Variants in PCMT1 observed in about 807,000 individuals in gnomAD.
The protein encoded by PCMT1 is protein-L-isoaspartate (D-aspartate) O-methyltransferase, also known as protein-L-isoaspartate(D-aspartate) O-methyltransferase.
A neutral mutation model predicts 29.2 loss-of-function variants in PCMT1; 9 were observed. That is an observed-to-expected ratio of 0.31 (90% confidence interval 0.19 to 0.54). The LOEUF (loss-of-function observed/expected upper bound fraction) is 0.54, where lower values mean the gene tolerates loss of function less well. Ranked by LOEUF, PCMT1 falls within the 20% of genes least tolerant of loss-of-function variation. The probability of loss-of-function intolerance (pLI) is 0.95; values close to 1 mark genes in which losing one functional copy is unlikely to be tolerated. For missense variants in PCMT1, 184 were observed against 282.2 expected, an observed-to-expected ratio of 0.65 and a Z score of 2.49; for synonymous variants, 98 against 97.5, an observed-to-expected ratio of 1.00 and a Z score of -0.03.
intron 1 of PCMT1, among the ~76,000 whole-genome samples, chr6:149,758,518 TTC>T (rs1236635438): frequency 2.0e-5 from 3 of 151,974 alleles, no homozygotes; most frequent in Non-Finnish European, 2.9e-5. Context: ...CCCAATTTTT[TTC>T]TTTTTTTTAA....
intron 3 of PCMT1, among the ~76,000 whole-genome samples, chr6:149,775,034 A>G (rs990249496): frequency 1.3e-5 from 2 of 151,936 alleles, no homozygotes; most frequent in African/African-American, 4.8e-5. Flanking sequence ...TAATAGAGAC[A>G]GGGTTTCACC....
intron 1 of PCMT1, among the ~76,000 whole-genome samples, chr6:149,769,728 A>G (rs1232877205): frequency 6.8e-6 from 1 of 148,000 alleles, no homozygotes; most frequent in Non-Finnish European, 1.5e-5. Flanking sequence ...CCTCCTGAGT[A>G]TTTATGACTA....
At chr6:149,809,859 A>C (rs1000271246) in intron 7 of PCMT1, among the ~76,000 whole-genome samples, 1 of 151,928 alleles carries the variant, frequency 6.6e-6, no homozygotes, top group Non-Finnish European at 1.5e-5. Context: ...TATCAATATC[A>C]TGCTTCTTTA....
At chr6:149,790,210 T>C (rs947337019) in intron 4 of PCMT1, 152 bp downstream of exon 4, 8 of 594,992 alleles carry the variant, frequency 1.3e-5, no homozygotes, top group Middle Eastern at 2.6e-4. Context: ...TTTGTTGTTG[T>C]TGCAAGTGAC....
At chr6:149,774,496 C>A in intron 3 of PCMT1, among the ~76,000 whole-genome samples, 1 of 148,276 alleles carries the variant, frequency 6.7e-6, no homozygotes. Context: ...GCCTCAGCCT[C>A]CCAAAGTGCT....
At chr6:149,800,434 A>G (rs796761301) in intron 6 of PCMT1, among the ~76,000 whole-genome samples, 30 of 152,278 alleles carry the variant, frequency 2.0e-4, no homozygotes, top group African/African-American at 6.7e-4. Context: ...GTGCCACTGC[A>G]CTCCAGCCTG....
chr6:149,782,019 G>A (rs1787836856), intron 3 of PCMT1, among the ~76,000 whole-genome samples: 1 of 151,898 alleles, frequency 6.6e-6, no homozygotes, highest in Non-Finnish European at 1.5e-5. Context: ...TTTTGTGACT[G>A]GCTTATTTCA....
chr6:149,780,423 C>T (rs181584918), intron 3 of PCMT1, among the ~76,000 whole-genome samples: 212 of 151,882 alleles, frequency 1.4e-3, no homozygotes, highest in African/African-American at 4.9e-3. Flanking sequence ...TTAGTTTATT[C>T]AGAGTTACAC....
At chr6:149,770,105 C>G (rs1487970721) in intron 1 of PCMT1, among the ~76,000 whole-genome samples, 1 of 152,072 alleles carries the variant, frequency 6.6e-6, no homozygotes, top group Non-Finnish European at 1.5e-5. Context: ...ATTCTCTGGC[C>G]ACTTTGAATT....
At position 149,771,350 on chromosome 6, in the gene PCMT1, T is replaced by C. The variant is rs1722487901; in HGVS notation, c.160+84T>C. The C allele has an allele frequency of 2.3e-4, 175 of 759,722 alleles. 3 individuals are homozygous for C. The South Asian group carries it at 3.0e-3, about 13-fold the overall frequency. 47.1% of individuals were successfully genotyped at this position (759,722 alleles called of 1,614,324 possible). ...AAGTAGAAAAAGCCTGGGACACAGA[T>C]ATTTATCTATTATTACCTTCTTAAT... is the stretch of plus-strand genomic sequence containing the variant. On this transcript the variant is annotated intron_variant, in intron 2 of 7. Coordinates refer to ENST00000464889, the MANE Select transcript of PCMT1 (RefSeq NM_001360452.2).
rs1440820718 is a variant in PCMT1, at chr6:149,756,525, T to A, written c.55+6569T>A. On this transcript the variant is annotated intron_variant, in intron 1 of 7. Transcript: ENST00000464889. The stretch of plus-strand genomic sequence containing the variant: ...CACCATGACTGGCTTTTTTTTTTTT[T>A]TTTTTTTTTTTTTTTTTTTGGTAGA... Among the ~76,000 whole-genome samples the A allele has an allele frequency of 3.9e-4, 54 of 139,478 alleles. 1 individual carries two copies. The East Asian group carries it at 6.4e-3, about 17-fold the overall frequency. The allele number at this position is 139,478 out of a possible 152,430, so 91.5% of individuals were successfully genotyped here.
chr6:149,758,194 TTCTTTC>T (rs1786588914), intron 1 of PCMT1, among the ~76,000 whole-genome samples: 3 of 91,668 alleles, frequency 3.3e-5, no homozygotes, highest in Non-Finnish European at 2.1e-5. Context: ...AATTTTTTTT[TTCTTTC>T]TTTCTTTCTT....
intron 1 of PCMT1, among the ~76,000 whole-genome samples, chr6:149,762,155 G>A (rs1186930143): frequency 6.6e-6 from 1 of 151,524 alleles, no homozygotes; most frequent in East Asian, 1.9e-4. Context: ...GCTTCAAGTT[G>A]GGAAAAGAAA....
At chr6:149,756,723 T>C (rs1786526462) in intron 1 of PCMT1, among the ~76,000 whole-genome samples, 1 of 151,754 alleles carries the variant, frequency 6.6e-6, no homozygotes, top group East Asian at 1.9e-4. Flanking sequence ...TAGAACCAGC[T>C]GGTAAAATCC....
intron 1 of PCMT1, among the ~76,000 whole-genome samples, chr6:149,751,305 G>C (rs1449106592): frequency 6.6e-6 from 1 of 151,892 alleles, no homozygotes; most frequent in East Asian, 1.9e-4. Context: ...CAACAAGGGA[G>C]GAAACTCCGC....
chr6:149,773,896 A>G (rs1787440948), intron 3 of PCMT1, among the ~76,000 whole-genome samples: 1 of 152,234 alleles, frequency 6.6e-6, no homozygotes, highest in Non-Finnish European at 1.5e-5. Context: ...GGTTAAGTAT[A>G]AGAGCCATTA....
intron 7 of PCMT1, among the ~76,000 whole-genome samples, chr6:149,809,764 T>A (rs1201853927): frequency 6.6e-6 from 1 of 152,168 alleles, no homozygotes; most frequent in Non-Finnish European, 1.5e-5. Flanking sequence ...TCAATTATTA[T>A]CATTTTTCTA....
chr6:149,781,190 G>GTTTT (rs1267846983), intron 3 of PCMT1, among the ~76,000 whole-genome samples: 5 of 51,004 alleles, frequency 9.8e-5, no homozygotes, highest in Non-Finnish European at 1.4e-4. Context: ...CCCCTTTCTT[G>GTTTT]TTTTTTTTTT....
Position 149,810,659 on chromosome 6 carries a change from AC to A in PCMT1, c.*82del. On this transcript the variant is annotated 3_prime_UTR_variant, in exon 8 of 8. Transcript: ENST00000464889. Reference sequence around the variant, plus strand: ...ACATCAGCTTGACCAGTATAAAATTACAGTGGATTGCTCATCTCAGTCCTCA... The same window carrying A: ...ACATCAGCTTGACCAGTATAAAATTAAGTGGATTGCTCATCTCAGTCCTCA... The A allele has an allele frequency of 9.8e-6, 15 of 1,529,018 alleles. No homozygotes were observed. The highest frequency in any genetic ancestry group is 1.2e-5 in the Non-Finnish European group (14 of 1,128,022). The allele number at this position is 1,529,018 out of a possible 1,614,324, so 94.7% of individuals were successfully genotyped here.
Sources: gnomAD v4.1 joint callset for allele counts (sites outside exome capture counted in the v4.1 genomes callset) on GRCh38, gnomAD v4.1.1 for gene constraint, MANE v1.5 for transcripts, NCBI Gene and HGNC (gene_info 2026-07-23, HGNC 2026-07-21) for gene names.